RPAP3: variants seen among roughly 807,000 people sequenced by gnomAD.
RPAP3 encodes the protein RNA polymerase II associated protein 3, also known as RNA polymerase II-associated protein 3.
In RPAP3, 58 loss-of-function variants were observed where a neutral mutation model predicts 88.8. That is an observed-to-expected ratio of 0.65 (90% CI 0.53 to 0.81). RPAP3 has a LOEUF of 0.81. Among genes scored for constraint, RPAP3 ranks in the 40% least tolerant of loss-of-function variants. RPAP3 has a pLI of 0.00. For missense variants in RPAP3, 751 were observed against 764.3 expected, an observed-to-expected ratio of 0.98 and a Z score of 0.20; for synonymous variants, 255 against 259.9, an observed-to-expected ratio of 0.98 and a Z score of 0.18.
intron 16 of RPAP3, 77 bp downstream of exon 16, chr12:47,666,903 T>A: frequency 1.7e-6 from 1 of 604,066 alleles, no homozygotes; most frequent in East Asian, 3.3e-5. Context: ...AAGTAGTCAA[T>A]AAATGTCAGC....
chr12:47,693,394 C>A, intron 5 of RPAP3, among the ~76,000 whole-genome samples: 1 of 152,092 alleles, frequency 6.6e-6, no homozygotes. Flanking sequence ...ATAACAGATA[C>A]AATTATAATA....
rs1267582710 is a variant in RPAP3, at chr12:47,705,999, C to CGACTCACGCCGAGCCCGGCAGT, written c.-76_-55dup. The CGACTCACGCCGAGCCCGGCAGT allele has an allele frequency of 1.3e-5, 2 of 152,884 alleles. No individual in the cohort carries two copies. The highest frequency in any genetic ancestry group is 2.9e-5 in the Non-Finnish European group (2 of 68,472). The allele number at this position is 152,884 out of a possible 1,614,324, so 9.5% of individuals were successfully genotyped here. The stretch of plus-strand genomic sequence containing the variant: ...CACTGCCACCCCGTCAGCCCCGCAG[C>CGACTCACGCCGAGCCCGGCAGT]GACTCACGCCGAGCCCGGCAGTGAC... On this transcript the variant is annotated 5_prime_UTR_variant, in exon 1 of 17. Transcript: ENST00000005386.
intron 2 of RPAP3, 150 bp from the exon 3 acceptor site, chr12:47,701,754 A>G (rs1162619999): frequency 4.0e-6 from 2 of 498,612 alleles, no homozygotes; most frequent in Non-Finnish European, 6.5e-6. Context: ...ACCTTCACTT[A>G]TAACAATTAT....
Position 47,667,743 on chromosome 12 carries a change from AC to A in RPAP3, c.1811+10del. 1 of 1,534,642 alleles carries A rather than the reference AC, an allele frequency of 6.5e-7. No homozygotes were observed. The highest frequency in any genetic ancestry group is 8.9e-7 in the Non-Finnish European group (1 of 1,122,494). ...AGGACTTACTGTATAACTAAAAAAA[AC>A]TTGACTTACTCAATGTAAAAGTCAT... On this transcript the variant is annotated intron_variant, in intron 15 of 16. Transcript: ENST00000005386.
chr12:47,694,327 G>A (rs916985247), intron 5 of RPAP3, among the ~76,000 whole-genome samples: 5 of 152,128 alleles, frequency 3.3e-5, no homozygotes, highest in African/African-American at 4.8e-5. Context: ...GGGAAAGTAG[G>A]GCTATTCCAA....
chr12:47,700,252 G>A (rs1939630915), intron 3 of RPAP3: 1 of 152,104 alleles, frequency 6.6e-6, no homozygotes, highest in Admixed American at 6.5e-5. Flanking sequence ...ACAGAAAAAT[G>A]CAAAGAAAAT....
In RPAP3 at chr12:47,696,370, C is replaced by T; in HGVS notation, c.451G>A (p.Glu151Lys). Residue 151 changes from glutamate to lysine, a missense_variant, in exon 5 of 17, where the codon GAA becomes AAA. Glu to Lys is a moderately conservative substitution (Grantham distance 56, BLOSUM62 1). Transcript: ENST00000005386. ...NKYFKQGKYDEAIDCYTKGMD... is the reference protein window; with the variant it reads ...NKYFKQGKYDKAIDCYTKGMD... ...CCTTTTGTGTAGCAGTCAATTGCTT[C>T]ATCATATTTTCCTTGTTTGAAGTAT... 6.3e-7 allele frequency: 1 copy of T among 1,594,164 alleles called. No individual in the cohort carries two copies. The highest frequency in any genetic ancestry group is 8.6e-7 in the Non-Finnish European group (1 of 1,168,682).
chr12:47,678,519 C>T (rs894317630), intron 12 of RPAP3, among the ~76,000 whole-genome samples: 2 of 152,050 alleles, frequency 1.3e-5, no homozygotes, highest in African/African-American at 4.8e-5. Flanking sequence ...GGCTAATATC[C>T]AGAATCTACA....
At chr12:47,698,057 C>T (rs1019173381) in intron 3 of RPAP3, among the ~76,000 whole-genome samples, 2 of 152,118 alleles carry the variant, frequency 1.3e-5, no homozygotes, top group African/African-American at 2.4e-5. Flanking sequence ...ATATAATTAG[C>T]ACCCAGTAGC....
chr12:47,683,438 C>T (rs1427907276), intron 9 of RPAP3, among the ~76,000 whole-genome samples: 2 of 152,086 alleles, frequency 1.3e-5, no homozygotes, highest in East Asian at 1.9e-4. Context: ...TTCCAACACC[C>T]AAATTCAAAG....
At chr12:47,684,866 A>C (rs563834738) in intron 9 of RPAP3, among the ~76,000 whole-genome samples, 23 of 152,338 alleles carry the variant, frequency 1.5e-4, no homozygotes, top group African/African-American at 5.3e-4. Context: ...CAACAAAAGA[A>C]TCTATCTCCA....
At chr12:47,696,967 A>G (rs59702452) in intron 4 of RPAP3, among the ~76,000 whole-genome samples, 6,535 of 152,272 alleles carry the variant, frequency 0.043, 461 homozygotes, top group African/African-American at 0.14. Flanking sequence ...GTATGGGTAC[A>G]ACCCAAGAGC....
intron 5 of RPAP3, among the ~76,000 whole-genome samples, chr12:47,692,472 A>G (rs1184706474): frequency 2.0e-5 from 3 of 152,122 alleles, no homozygotes; most frequent in Admixed American, 2.0e-4. Context: ...TCATGAACCA[A>G]CTTCTGCTAG....
intron 12 of RPAP3, among the ~76,000 whole-genome samples, chr12:47,674,491 A>G (rs1376644663): frequency 6.6e-6 from 1 of 152,196 alleles, no homozygotes; most frequent in Non-Finnish European, 1.5e-5. Flanking sequence ...AAGGAAACTA[A>G]AAACCTTGAA....
chr12:47,667,954 G>A, intron 14 of RPAP3, 103 bp from the exon 15 acceptor site: 1 of 713,896 alleles, frequency 1.4e-6, no homozygotes, highest in Non-Finnish European at 2.3e-6. Context: ...AACTACTTTG[G>A]GAGGCCAAGG....
At chr12:47,692,627 C>A (rs1356704159) in intron 5 of RPAP3, among the ~76,000 whole-genome samples, 1 of 152,194 alleles carries the variant, frequency 6.6e-6, no homozygotes. Flanking sequence ...AAAACCTTCT[C>A]CCCATCAACA....
At position 47,696,420 on chromosome 12, in the gene RPAP3, TA is replaced by T. The variant is rs1476984707; in HGVS notation, c.418-18del. ...TTTATTGCCCTGAAAGAAAATTATA[TA>T]AAATGATCTTTTTTACAAATTCTGA... On this transcript the variant is annotated intron_variant, in intron 4 of 16. Coordinates refer to ENST00000005386, the MANE Select transcript of RPAP3 (RefSeq NM_024604.3). 3 of 1,532,860 alleles carry T rather than the reference TA, an allele frequency of 2.0e-6. No homozygotes were observed. The highest frequency in any genetic ancestry group is 2.8e-5 in the African/African-American group (2 of 71,590). 95.0% of individuals were successfully genotyped at this position (1,532,860 alleles called of 1,614,324 possible).
At chr12:47,671,659 A>ATAC in intron 12 of RPAP3, among the ~76,000 whole-genome samples, 1 of 152,238 alleles carries the variant, frequency 6.6e-6, no homozygotes, top group Non-Finnish European at 1.5e-5. Flanking sequence ...GAACTGTATC[A>ATAC]GCAAAAGTTT....
At chr12:47,687,505 C>T (rs773121543) in intron 8 of RPAP3, among the ~76,000 whole-genome samples, 14 of 152,068 alleles carry the variant, frequency 9.2e-5, no homozygotes, top group East Asian at 1.9e-4. Flanking sequence ...TAAACCTCAA[C>T]TCATGATTAG....
Sources: allele counts gnomAD v4.1 joint callset (sites outside exome capture counted in the v4.1 genomes callset), GRCh38; gene constraint gnomAD v4.1.1; transcripts MANE v1.5; gene names NCBI Gene and HGNC (gene_info 2026-07-23, HGNC 2026-07-21).